Variants in USP7 observed in about 807,000 individuals in gnomAD.
USP7 encodes ubiquitin specific peptidase 7.
In USP7, 9 loss-of-function variants were observed where a neutral mutation model predicts 162.9. The observed-to-expected ratio is 0.06, with a 90% confidence interval of 0.03 to 0.10. The LOEUF is 0.10. Among genes scored for constraint, USP7 ranks in the 10% least tolerant of loss-of-function variants. The probability of loss-of-function intolerance (pLI) is 1.00; values close to 1 mark genes in which losing one functional copy is unlikely to be tolerated. For synonymous variants in USP7, 562 were observed against 475.9 expected (o/e 1.18, Z -2.35); for missense variants, 715 against 1,373.7 (o/e 0.52, Z 7.58).
At chr16:8,957,753 T>C (rs1406118571) in intron 1 of USP7, among the ~76,000 whole-genome samples, 1 of 142,934 alleles carries the variant, frequency 7.0e-6, no homozygotes, top group Non-Finnish European at 1.5e-5. Flanking sequence ...CAAGACCCTG[T>C]CTCTTAAATT....
chr16:8,915,115 C>G (rs772357083), intron 10 of USP7, 139 bp downstream of exon 10: 4 of 798,914 alleles, frequency 5.0e-6, no homozygotes, highest in Non-Finnish European at 7.6e-6. Context: ...CCTGTGTTCA[C>G]CCAGTGAGCT....
chr16:8,910,995 C>A (rs778779222), intron 10 of USP7, among the ~76,000 whole-genome samples, 168 bp from the exon 11 acceptor site: 2 of 152,242 alleles, frequency 1.3e-5, no homozygotes, highest in African/African-American at 2.4e-5. Context: ...GTGCTGTTAG[C>A]ACCTTTGCTC....
At chr16:8,935,073 C>T (rs1199189183) in intron 1 of USP7, among the ~76,000 whole-genome samples, 1 of 152,148 alleles carries the variant, frequency 6.6e-6, no homozygotes, top group African/African-American at 2.4e-5. Flanking sequence ...GACAGATGTA[C>T]AACATTGGCA....
At chr16:8,924,168 G>A (rs1897863046) in intron 2 of USP7, among the ~76,000 whole-genome samples, 1 of 152,184 alleles carries the variant, frequency 6.6e-6, no homozygotes, top group African/African-American at 2.4e-5. Flanking sequence ...ATCTTTCACT[G>A]ATGACAGTGA....
At chr16:8,948,898 A>G (rs1470276252) in intron 1 of USP7, among the ~76,000 whole-genome samples, 1 of 152,200 alleles carries the variant, frequency 6.6e-6, no homozygotes, top group Non-Finnish European at 1.5e-5. Flanking sequence ...CAGGAGCTTA[A>G]GGCTGCAATG....
Position 8,916,487 on chromosome 16 carries a change from T to A in USP7, c.906+15A>T. On this transcript the variant is annotated intron_variant, in intron 8 of 30. Coordinates refer to ENST00000344836, the MANE Select transcript of USP7 (RefSeq NM_003470.3). ...ATTCATTGTAAGAAATATACAAGTA[T>A]TGCTTGAAACTTACCACTCGACAAA... 6.2e-7 allele frequency: 1 copy of A among 1,605,462 alleles called. No homozygotes were observed. The highest frequency in any genetic ancestry group is 8.5e-7 in the Non-Finnish European group (1 of 1,177,374).
rs754229086 is a variant in USP7 at position 8,915,388 on chromosome 16, A to G, written c.988-44T>C. The G allele has an allele frequency of 2.5e-6, 4 of 1,613,246 alleles. No individual in the cohort carries two copies. In the Admixed American group the frequency reaches 5.0e-5, roughly 20 times the overall value. On this transcript the variant is annotated intron_variant, in intron 9 of 30. Transcript: ENST00000344836. ...AAAGTGGTTTAACTAGTAATAGTCA[A>G]AAAATTCACATTCTAAAACCTTTAA...
rs1253779507 is a variant in USP7 at position 8,901,014 on chromosome 16, T to G, written c.2184A>C (p.Gln728His). Residue 728 changes from glutamine (Q) to histidine (H), a missense_variant, in exon 20 of 31, where the codon CAA becomes CAC. Coordinates refer to ENST00000344836, the MANE Select transcript of USP7 (RefSeq NM_003470.3). Reference protein sequence around the residue: ...PVMCDRAGFIQDTSLILYEEV... With the variant: ...PVMCDRAGFIHDTSLILYEEV... Reference sequence around the variant, plus strand: ...CCTCATAGAGGATAAGGCTAGTATCTTGAATAAATCCTGCTCTGTCACACA... The same window carrying G: ...CCTCATAGAGGATAAGGCTAGTATCGTGAATAAATCCTGCTCTGTCACACA... The G allele has an allele frequency of 1.2e-6, 2 of 1,614,134 alleles. No individual in the cohort carries two copies. Among genetic ancestry groups the G allele is most frequent in the East Asian group, 2.2e-5 (1 of 44,870 alleles).
chr16:8,938,975 C>T (rs1898907796), intron 1 of USP7, among the ~76,000 whole-genome samples: 1 of 152,056 alleles, frequency 6.6e-6, no homozygotes. Context: ...ACCAATCCAC[C>T]ATTAATACCA....
At chr16:8,941,552 G>A (rs1050709354) in intron 1 of USP7, among the ~76,000 whole-genome samples, 1 of 152,204 alleles carries the variant, frequency 6.6e-6, no homozygotes, top group African/African-American at 2.4e-5. Flanking sequence ...ACACATTTCG[G>A]CTTTTTTGTC....
chr16:8,922,854 C>T (rs1474734578), intron 3 of USP7, among the ~76,000 whole-genome samples: 1 of 152,118 alleles, frequency 6.6e-6, no homozygotes, highest in Non-Finnish European at 1.5e-5. Flanking sequence ...TCTGAACAAC[C>T]CGTACAAATT....
rs781494085 is a variant in USP7, at chr16:8,921,232, C to T, written c.447G>A (p.Ser149=). Residue 149 remains serine, a synonymous_variant, in exon 4 of 31, where the codon TCG becomes TCA. Coordinates refer to ENST00000344836, the MANE Select transcript of USP7 (RefSeq NM_003470.3). ...ACAAATGACTAATACGACGACTGAA[C>T]GACTTTTCATCATCTCTGTAATTTA... The part of the protein sequence containing the change: ...KIINYRDDEK[S]FSRRISHLFF... 34 of 1,613,940 alleles carry T rather than the reference C, an allele frequency of 2.1e-5. No homozygotes were observed. In the African/African-American group the frequency reaches 2.1e-4, roughly 10 times the overall value.
chr16:8,933,758 CT>C (rs550079695), intron 1 of USP7, among the ~76,000 whole-genome samples: 9,196 of 142,996 alleles, frequency 0.064, 283 homozygotes, highest in Middle Eastern at 0.15. Flanking sequence ...CCTATACAAA[CT>C]TTTTTTTTTT....
At chr16:8,913,039 C>G (rs1032286109) in intron 10 of USP7, among the ~76,000 whole-genome samples, 17 of 151,972 alleles carry the variant, frequency 1.1e-4, no homozygotes, top group African/African-American at 3.6e-4. Context: ...AACTGAAAAC[C>G]AGTGAGAAGG....
intron 10 of USP7, 58 bp from the exon 11 acceptor site, chr16:8,910,885 C>T: frequency 7.3e-7 from 1 of 1,378,084 alleles, no homozygotes; most frequent in Non-Finnish European, 1.0e-6. Flanking sequence ...ATGTAGCCAA[C>T]ACAGGTGTAA....
At chr16:8,899,925 G>T (rs1019746806) in intron 21 of USP7, 168 bp from the exon 22 acceptor site, 2 of 782,838 alleles carry the variant, frequency 2.6e-6, no homozygotes, top group Admixed American at 2.6e-5. Flanking sequence ...CCCTCTGTAA[G>T]CGAGGCAAGT....
chr16:8,924,603 A>G (rs973441384), intron 2 of USP7, among the ~76,000 whole-genome samples: 1 of 152,226 alleles, frequency 6.6e-6, no homozygotes, highest in African/African-American at 2.4e-5. Context: ...CTTCATCTTC[A>G]GGCCCCTGAA....
chr16:8,947,110 G>A (rs1899318721), intron 1 of USP7, among the ~76,000 whole-genome samples: 1 of 152,088 alleles, frequency 6.6e-6, no homozygotes, highest in Non-Finnish European at 1.5e-5. Context: ...GTATATCTCT[G>A]TAAGATTGGT....
chr16:8,895,557 T>C (rs1293525425), intron 27 of USP7, 85 bp downstream of exon 27: 1 of 1,139,552 alleles, frequency 8.8e-7, no homozygotes. Flanking sequence ...ATCAAGCTAC[T>C]TGTACAACTT....
Sources: allele counts gnomAD v4.1 joint callset (sites outside exome capture counted in the v4.1 genomes callset), GRCh38; gene constraint gnomAD v4.1.1; transcripts MANE v1.5; gene names NCBI Gene and HGNC (gene_info 2026-07-23, HGNC 2026-07-21).